Variants in GRM8 observed in about 807,000 individuals in gnomAD.
GRM8 encodes glutamate metabotropic receptor 8.
A neutral mutation model predicts 87.2 loss-of-function variants in GRM8; 47 were observed. The ratio of observed to expected loss-of-function variants is 0.54; its 90% CI spans 0.43 to 0.69. The LOEUF is 0.69. Among genes scored for constraint, GRM8 ranks in the 30% least tolerant of loss-of-function variants. The probability of loss-of-function intolerance (pLI) is 0.00; values close to 1 mark genes in which losing one functional copy is unlikely to be tolerated. For missense variants in GRM8, 1,019 were observed against 1,139.2 expected (o/e 0.89, Z 1.52); for synonymous variants, 396 against 404.5 (o/e 0.98, Z 0.25).
At chr7:127,158,516 G>C (rs1792879144) in intron 2 of GRM8, among the ~76,000 whole-genome samples, 1 of 152,184 alleles carries the variant, frequency 6.6e-6, no homozygotes, top group Non-Finnish European at 1.5e-5. Flanking sequence ...ATTTCTCACA[G>C]TTTCAAAGGC....
At chr7:127,213,797 C>A (rs1175656477) in intron 2 of GRM8, among the ~76,000 whole-genome samples, 1 of 152,146 alleles carries the variant, frequency 6.6e-6, no homozygotes, top group Non-Finnish European at 1.5e-5. Flanking sequence ...GTTTACTGAA[C>A]TTCCAGACAA....
At chr7:126,628,490 C>T (rs1800920221) in intron 7 of GRM8, among the ~76,000 whole-genome samples, 1 of 152,088 alleles carries the variant, frequency 6.6e-6, no homozygotes, top group Admixed American at 6.5e-5. Context: ...TAAATTCATA[C>T]AATGGAATAT....
At chr7:126,645,541 T>C (rs1345880191) in intron 7 of GRM8, among the ~76,000 whole-genome samples, 2 of 152,210 alleles carry the variant, frequency 1.3e-5, no homozygotes, top group African/African-American at 4.8e-5. Flanking sequence ...GGTTGAGTGA[T>C]AGCTCCAGTT....
intron 3 of GRM8, among the ~76,000 whole-genome samples, chr7:127,095,403 G>A (rs1487990386): frequency 6.6e-6 from 1 of 152,164 alleles, no homozygotes; most frequent in Non-Finnish European, 1.5e-5. Context: ...GGTGATCATG[G>A]AAAGCAGGGA....
intron 8 of GRM8, among the ~76,000 whole-genome samples, chr7:126,540,286 T>C (rs1449848865): frequency 6.6e-6 from 1 of 151,984 alleles, no homozygotes; most frequent in Non-Finnish European, 1.5e-5. Context: ...ATAAAGACAA[T>C]AGCAAGTGTT....
chr7:126,713,041 T>C (rs1041475444), intron 7 of GRM8, among the ~76,000 whole-genome samples: 1 of 152,190 alleles, frequency 6.6e-6, no homozygotes, highest in African/African-American at 2.4e-5. Context: ...AGTGTGGTGG[T>C]TCCTCAAGGA....
chr7:126,859,973 G>C (rs1341381805), intron 6 of GRM8, among the ~76,000 whole-genome samples: 1 of 149,014 alleles, frequency 6.7e-6, no homozygotes, highest in Non-Finnish European at 1.5e-5. Context: ...CAAGTTCTGA[G>C]GAATTTATTT....
At chr7:127,014,068 C>A (rs146374986) in intron 3 of GRM8, among the ~76,000 whole-genome samples, 1 of 152,078 alleles carries the variant, frequency 6.6e-6, no homozygotes, top group Non-Finnish European at 1.5e-5. Context: ...TCTTGGTGTG[C>A]AGTGAGGATA....
At chr7:126,510,277 G>C (rs1356048558) in intron 9 of GRM8, among the ~76,000 whole-genome samples, 1 of 135,126 alleles carries the variant, frequency 7.4e-6, no homozygotes, top group Non-Finnish European at 1.6e-5. Flanking sequence ...ACACTTTAAA[G>C]ACACATAGGT....
chr7:127,055,220 T>C (rs1028905320), intron 3 of GRM8, among the ~76,000 whole-genome samples: 1 of 93,740 alleles, frequency 1.1e-5, no homozygotes, highest in African/African-American at 4.7e-5. Flanking sequence ...AATGATGTTT[T>C]TCGTCTACAG....
At chr7:126,726,397 T>C (rs1176558929) in intron 7 of GRM8, among the ~76,000 whole-genome samples, 7 of 152,052 alleles carry the variant, frequency 4.6e-5, no homozygotes, top group Non-Finnish European at 7.4e-5. Context: ...TTCACAAGCA[T>C]GTGGATCCAG....
chr7:126,968,884 C>T (rs192215377), intron 3 of GRM8, among the ~76,000 whole-genome samples: 65 of 152,098 alleles, frequency 4.3e-4, no homozygotes, highest in African/African-American at 1.3e-3. Context: ...ATTTAGTCAC[C>T]CCACAATGTA....
intron 3 of GRM8, among the ~76,000 whole-genome samples, chr7:126,911,915 C>A (rs1447847571): frequency 2.0e-5 from 3 of 152,294 alleles, no homozygotes; most frequent in Middle Eastern, 3.4e-3. Flanking sequence ...AAAAGATTGG[C>A]TGGGCGGGGT....
intron 3 of GRM8, among the ~76,000 whole-genome samples, chr7:126,908,735 C>G (rs1802962250): frequency 1.3e-5 from 2 of 152,134 alleles, no homozygotes; most frequent in African/African-American, 4.8e-5. Context: ...TAGCTTAAAT[C>G]CATTTCACTT....
chr7:126,575,886 T>A (rs141312255), intron 8 of GRM8, among the ~76,000 whole-genome samples: 1 of 152,294 alleles, frequency 6.6e-6, no homozygotes, highest in East Asian at 1.9e-4. Flanking sequence ...CCAAATATAT[T>A]TCTCTCATCA....
intron 8 of GRM8, among the ~76,000 whole-genome samples, chr7:126,571,079 C>CT (rs1794652833): frequency 6.6e-6 from 1 of 152,176 alleles, no homozygotes; most frequent in Non-Finnish European, 1.5e-5. Context: ...TGGCTCATGA[C>CT]TTGCTGTTCA....
chr7:127,241,116 T>C (rs1254122742), intron 2 of GRM8, among the ~76,000 whole-genome samples: 1 of 152,230 alleles, frequency 6.6e-6, no homozygotes, highest in South Asian at 2.1e-4. Flanking sequence ...CCTCCTTATT[T>C]GAGAAAATTT....
At chr7:126,756,270 G>C (rs1563156452) in intron 7 of GRM8, among the ~76,000 whole-genome samples, 1 of 151,958 alleles carries the variant, frequency 6.6e-6, no homozygotes, top group Non-Finnish European at 1.5e-5. Flanking sequence ...AACTCAAAAT[G>C]AATCATATAG....
At chr7:126,969,183 C>G (rs1810167352) in intron 3 of GRM8, among the ~76,000 whole-genome samples, 1 of 152,070 alleles carries the variant, frequency 6.6e-6, no homozygotes, top group African/African-American at 2.4e-5. Context: ...TGGCTGCTGA[C>G]TGATCAGGGT....
Sources: gnomAD v4.1 joint callset for allele counts (sites outside exome capture counted in the v4.1 genomes callset) on GRCh38, gnomAD v4.1.1 for gene constraint, MANE v1.5 for transcripts, NCBI Gene and HGNC (gene_info 2026-07-23, HGNC 2026-07-21) for gene names.